The following HERC4 variants were observed in gnomAD, a reference collection of about 807,000 sequenced individuals.
HERC4 encodes probable E3 ubiquitin-protein ligase HERC4.
Under a neutral mutation model 124.3 loss-of-function variants are expected in HERC4, and 28 were observed. The observed-to-expected ratio is 0.23, with a 90% CI of 0.17 to 0.31. The LOEUF is 0.31. Among genes scored for constraint, HERC4 ranks in the 10% least tolerant of loss-of-function variants. HERC4 has a pLI of 1.00. For missense variants in HERC4, 713 were observed against 1,229.3 expected (o/e 0.58, Z 6.28); for synonymous variants, 407 against 421.5 (o/e 0.97, Z 0.42).
intron 3 of HERC4, among the ~76,000 whole-genome samples, chr10:68,054,226 A>G (rs1392621068): frequency 6.6e-6 from 1 of 152,182 alleles, no homozygotes; most frequent in East Asian, 1.9e-4. Flanking sequence ...ATTCTTACAC[A>G]TGTATGCAGA....
intron 16 of HERC4, among the ~76,000 whole-genome samples, chr10:67,959,635 G>GA (rs1009200942): frequency 6.9e-4 from 104 of 150,324 alleles, no homozygotes; most frequent in Admixed American, 3.7e-3. Flanking sequence ...TTATTTGACA[G>GA]AAAAAAAAAC....
chr10:68,047,329 T>C (rs1381741309), intron 3 of HERC4, among the ~76,000 whole-genome samples: 2 of 152,062 alleles, frequency 1.3e-5, no homozygotes, highest in Admixed American at 6.6e-5. Flanking sequence ...AAGCCAATAA[T>C]AGATTCACTT....
At chr10:68,071,201 T>G (rs544599965) in intron 3 of HERC4, among the ~76,000 whole-genome samples, 2 of 152,226 alleles carry the variant, frequency 1.3e-5, no homozygotes, top group African/African-American at 4.8e-5. Context: ...ATGATATAGA[T>G]GTCACAGTGC....
At chr10:68,060,153 C>T (rs574468394) in intron 3 of HERC4, among the ~76,000 whole-genome samples, 1 of 150,866 alleles carries the variant, frequency 6.6e-6, no homozygotes, top group Admixed American at 6.7e-5. Flanking sequence ...CAGCACAGTA[C>T]CTGGCATATA....
chr10:67,955,202 T>G, intron 17 of HERC4, 72 bp from the exon 18 acceptor site: 1 of 1,322,592 alleles, frequency 7.6e-7, no homozygotes, highest in Non-Finnish European at 1.0e-6. Context: ...CAAGCTAACC[T>G]CTACCTATTA....
At chr10:68,037,894 A>G (rs1016183879) in intron 5 of HERC4, among the ~76,000 whole-genome samples, 199 bp downstream of exon 5, 1 of 152,052 alleles carries the variant, frequency 6.6e-6, no homozygotes, top group African/African-American at 2.4e-5. Context: ...CCAAATTCCT[A>G]GCAGTGTGTG....
At chr10:67,938,773 G>A (rs184670087) in intron 21 of HERC4, among the ~76,000 whole-genome samples, 32 of 151,612 alleles carry the variant, frequency 2.1e-4, no homozygotes, top group African/African-American at 6.3e-4. Context: ...GTGAAACCCC[G>A]TCTCTACTAA....
intron 23 of HERC4, among the ~76,000 whole-genome samples, chr10:67,925,405 T>C (rs527566653): frequency 2.2e-3 from 336 of 152,282 alleles, no homozygotes; most frequent in African/African-American, 7.8e-3. Context: ...AAGAACATGA[T>C]AGGATCATAC....
intron 19 of HERC4, 35 bp downstream of exon 19, chr10:67,954,560 T>C (rs1419473182): frequency 6.3e-7 from 1 of 1,591,400 alleles, no homozygotes; most frequent in South Asian, 1.1e-5. Flanking sequence ...CATGGGTATA[T>C]ACACAGAAGT....
chr10:68,040,143 T>C (rs56061311), intron 4 of HERC4: 11,062 of 973,630 alleles, frequency 0.011, 81 homozygotes, highest in Non-Finnish European at 0.013. Context: ...GAGGCTTTAG[T>C]ATTAGTCATA....
At chr10:68,057,249 A>G (rs2040593949) in intron 3 of HERC4, among the ~76,000 whole-genome samples, 1 of 152,190 alleles carries the variant, frequency 6.6e-6, no homozygotes, top group African/African-American at 2.4e-5. Context: ...ATAACAGCAA[A>G]TGCAAAATAA....
rs972945270 is a variant in HERC4 at position 67,921,992 on chromosome 10, G to A, written c.*939C>T. On this transcript the variant is annotated 3_prime_UTR_variant, in exon 25 of 25. Coordinates refer to ENST00000373700, the MANE Select transcript of HERC4 (RefSeq NM_015601.4). ...AAAAATAAATATTTGCATTATAGCAGAAAGTCACATGTATTGCATCAACTC... is the reference window on the plus strand; with the variant it reads ...AAAAATAAATATTTGCATTATAGCAAAAAGTCACATGTATTGCATCAACTC... 6.6e-6 allele frequency: 1 copy of A among 152,150 alleles called. No individual in the cohort carries two copies. The highest frequency in any genetic ancestry group is 6.5e-5 in the Admixed American group (1 of 15,268). The allele number at this position is 152,150 out of a possible 1,614,324, so 9.4% of individuals were successfully genotyped here.
rs141997510 is a variant in HERC4, at chr10:68,038,626, A to G, written c.387-457T>C. Among the ~76,000 whole-genome samples, 1,122 of 152,340 alleles carry G rather than the reference A, an allele frequency of 7.4e-3. 16 individuals carry two copies. Among genetic ancestry groups the G allele is most frequent in the African/African-American group, 0.026 (1,067 of 41,582 alleles). Reference sequence around the variant, plus strand: ...CCTTTATCGGGTTTCTTAAGAACCAACAGGGATTCTTGTATGTTCTACCAA... The same window carrying G: ...CCTTTATCGGGTTTCTTAAGAACCAGCAGGGATTCTTGTATGTTCTACCAA... On this transcript the variant is annotated intron_variant, in intron 4 of 24. Coordinates refer to ENST00000373700, the MANE Select transcript of HERC4 (RefSeq NM_015601.4).
chr10:68,035,156 C>G (rs953157677), intron 5 of HERC4, among the ~76,000 whole-genome samples: 1 of 139,672 alleles, frequency 7.2e-6, no homozygotes, highest in Non-Finnish European at 1.6e-5. Flanking sequence ...GACAACCACT[C>G]TTTTTTTTTT....
chr10:68,029,043 T>C (rs1231722792), intron 7 of HERC4, among the ~76,000 whole-genome samples: 2 of 151,854 alleles, frequency 1.3e-5, no homozygotes, highest in Admixed American at 6.6e-5. Context: ...CCAGGCACAG[T>C]GGCGCCCGTA....
intron 7 of HERC4, 60 bp from the exon 8 acceptor site, chr10:68,025,736 C>G (rs990936089): frequency 6.6e-6 from 10 of 1,512,020 alleles, no homozygotes; most frequent in Non-Finnish European, 8.9e-6. Context: ...TAACTGATCT[C>G]CAGAAAAATA....
rs2030348463 is a variant in HERC4 at position 67,922,736 on chromosome 10, G to A, written c.*195C>T. The A allele has an allele frequency of 2.6e-6, 1 of 383,966 alleles. No homozygotes were observed. Among genetic ancestry groups the A allele is most frequent in the Admixed American group, 4.0e-5 (1 of 24,758 alleles). The allele number at this position is 383,966 out of a possible 1,614,324, so 23.8% of individuals were successfully genotyped here. A position where few individuals can be genotyped will look rare whatever the true frequency, so the allele number is the denominator to read the frequency against. Reference sequence around the variant, plus strand: ...TAGAAGATGGTCAAAAAAAATCCATGGTTCTGTACAATAATATTAACAGTT... The same window carrying A: ...TAGAAGATGGTCAAAAAAAATCCATAGTTCTGTACAATAATATTAACAGTT... On this transcript the variant is annotated 3_prime_UTR_variant, in exon 25 of 25. Coordinates refer to ENST00000373700, the MANE Select transcript of HERC4 (RefSeq NM_015601.4).
chr10:67,971,502 TC>T (rs57468056), intron 15 of HERC4, among the ~76,000 whole-genome samples: 11,901 of 152,110 alleles, frequency 0.078, 1,225 homozygotes, highest in African/African-American at 0.24. Flanking sequence ...TCAATGAATT[TC>T]ACAATATTTC....
Position 67,939,663 on chromosome 10 carries a change from T to C in HERC4, c.2505-9A>G. 1.9e-6 allele frequency: 3 copies of C among 1,583,252 alleles called. No homozygotes were observed. Among genetic ancestry groups the C allele is most frequent in the South Asian group, 2.3e-5 (2 of 87,742 alleles). On this transcript the variant is annotated splice_polypyrimidine_tract_variant and intron_variant, in intron 20 of 24. Transcript: ENST00000373700. ...GTAACTGTTGCATGCTTCTGCAAAA[T>C]AATATATATGTTTCTGAGAGGAAAA... is the stretch of plus-strand genomic sequence containing the variant.
Sources: allele counts gnomAD v4.1 joint callset (sites outside exome capture counted in the v4.1 genomes callset), GRCh38; gene constraint gnomAD v4.1.1; transcripts MANE v1.5; gene names NCBI Gene and HGNC (gene_info 2026-07-23, HGNC 2026-07-21).